Variants in CAMK1D observed in about 807,000 individuals in gnomAD.
The protein encoded by CAMK1D is calcium/calmodulin dependent protein kinase ID.
In CAMK1D, 9 loss-of-function variants were observed where a neutral mutation model predicts 47.7. That is an observed-to-expected ratio of 0.19 (90% confidence interval 0.11 to 0.33). CAMK1D has a LOEUF of 0.33. CAMK1D is among the 10% of genes least tolerant of loss of function. CAMK1D has a pLI of 1.00. For synonymous variants in CAMK1D, 184 were observed against 184.9 expected, an observed-to-expected ratio of 0.99 and a Z score of 0.04; for missense variants, 291 against 488.7, an observed-to-expected ratio of 0.60 and a Z score of 3.81.
At chr10:12,543,173 G>A (rs1006935625) in intron 1 of CAMK1D, among the ~76,000 whole-genome samples, 7 of 151,868 alleles carry the variant, frequency 4.6e-5, no homozygotes, top group Admixed American at 4.6e-4. Context: ...TCAGCCTCCC[G>A]AGTTGCCGGG....
chr10:12,637,415 C>G (rs1047578426), intron 2 of CAMK1D, among the ~76,000 whole-genome samples: 2 of 152,190 alleles, frequency 1.3e-5, no homozygotes, highest in Non-Finnish European at 2.9e-5. Context: ...TTCAGTGTTG[C>G]GATTACCTTC....
At chr10:12,772,348 C>T (rs1588908697) in intron 5 of CAMK1D, among the ~76,000 whole-genome samples, 1 of 152,172 alleles carries the variant, frequency 6.6e-6, no homozygotes, top group Non-Finnish European at 1.5e-5. Flanking sequence ...TGCTGGTTCT[C>T]TTTTCAGCAG....
intron 1 of CAMK1D, among the ~76,000 whole-genome samples, chr10:12,351,971 G>A (rs1837366372): frequency 6.6e-6 from 1 of 152,172 alleles, no homozygotes; most frequent in Admixed American, 6.5e-5. Context: ...TAATAATCAT[G>A]GTAATCATAG....
At chr10:12,524,706 CA>C (rs113567619) in intron 1 of CAMK1D, among the ~76,000 whole-genome samples, 82 of 142,344 alleles carry the variant, frequency 5.8e-4, no homozygotes, top group Non-Finnish European at 5.9e-4. Context: ...GACTCCATCT[CA>C]AAAAAAAAAA....
chr10:12,621,404 A>T (rs559533749), intron 2 of CAMK1D, among the ~76,000 whole-genome samples: 2 of 152,220 alleles, frequency 1.3e-5, no homozygotes, highest in Non-Finnish European at 2.9e-5. Flanking sequence ...CCATGAATAT[A>T]GTATGTCTCT....
chr10:12,529,139 C>T (rs1435714221), intron 1 of CAMK1D, among the ~76,000 whole-genome samples: 2 of 152,144 alleles, frequency 1.3e-5, no homozygotes, highest in Admixed American at 1.3e-4. Flanking sequence ...TGCTTGCTCT[C>T]TCATCTTCAC....
Position 12,737,667 on chromosome 10 carries a change from T to A in CAMK1D, c.300-23281T>A, listed in dbSNP as rs903869496. Among the ~76,000 whole-genome samples the A allele has an allele frequency of 2.0e-5, 3 of 152,336 alleles. No individual in the cohort carries two copies. In the South Asian group the frequency reaches 6.2e-4, roughly 32 times the overall value. Reference sequence around the variant, plus strand: ...CACTTCTGTTCTTGGCATTGTGTATTGGAAATGTTCATTTGTATCGTTGAA... The same window carrying A: ...CACTTCTGTTCTTGGCATTGTGTATAGGAAATGTTCATTTGTATCGTTGAA... On this transcript the variant is annotated intron_variant, in intron 3 of 10. Transcript: ENST00000619168.
chr10:12,628,987 G>A (rs1839303057), intron 2 of CAMK1D, among the ~76,000 whole-genome samples: 1 of 152,178 alleles, frequency 6.6e-6, no homozygotes, highest in African/African-American at 2.4e-5. Context: ...TTGTCTAGAT[G>A]TACCACAGTT....
chr10:12,535,299 A>G (rs1835934329), intron 1 of CAMK1D, among the ~76,000 whole-genome samples: 1 of 152,136 alleles, frequency 6.6e-6, no homozygotes, highest in Non-Finnish European at 1.5e-5. Flanking sequence ...GATACCACCA[A>G]ATTTCACTCT....
intron 2 of CAMK1D, among the ~76,000 whole-genome samples, chr10:12,647,339 A>G (rs1451127443): frequency 6.9e-6 from 1 of 145,746 alleles, no homozygotes; most frequent in East Asian, 2.1e-4. Flanking sequence ...AGTAGAGACT[A>G]GGTTTCACCA....
intron 1 of CAMK1D, among the ~76,000 whole-genome samples, chr10:12,369,600 T>C (rs1481872333): frequency 6.6e-6 from 1 of 152,182 alleles, no homozygotes; most frequent in Non-Finnish European, 1.5e-5. Flanking sequence ...TGAGTTGCTA[T>C]GTGTCAAAGA....
At position 12,554,261 on chromosome 10, in the gene CAMK1D, G is replaced by A. The variant is rs1489531879; in HGVS notation, c.224+905G>A. Among the ~76,000 whole-genome samples the A allele has an allele frequency of 1.2e-4, 9 of 73,864 alleles. 2 individuals are homozygous for A. The highest frequency in any genetic ancestry group is 8.0e-4 in the East Asian group (2 of 2,492). 48.5% of individuals were successfully genotyped at this position (73,864 alleles called of 152,430 possible). ...CAACTTCCACCTCCTGGCTTCAAGCGATTCTCCCGCCTCAGCCTCCCGAAG... is the reference window on the plus strand; with the variant it reads ...CAACTTCCACCTCCTGGCTTCAAGCAATTCTCCCGCCTCAGCCTCCCGAAG... On this transcript the variant is annotated intron_variant, in intron 2 of 10. Coordinates refer to ENST00000619168, the MANE Select transcript of CAMK1D (RefSeq NM_153498.4).
chr10:12,480,126 C>A (rs1396557320), intron 1 of CAMK1D, among the ~76,000 whole-genome samples: 2 of 152,074 alleles, frequency 1.3e-5, no homozygotes, highest in African/African-American at 2.4e-5. Flanking sequence ...CTTCCTGTTT[C>A]CTCTAGTTGT....
intron 2 of CAMK1D, among the ~76,000 whole-genome samples, chr10:12,561,342 T>C (rs1227419709): frequency 2.0e-5 from 3 of 152,130 alleles, no homozygotes; most frequent in Non-Finnish European, 2.9e-5. Context: ...GCCTGTCTGC[T>C]GAATGAGCTT....
chr10:12,708,711 G>A lies in CAMK1D; in HGVS notation c.299+41901G>A, dbSNP rs180841125. ...AAGCATCATGGCCTTTTGGACAGGT[G>A]GGCTGTTTTCTTCTATTCATTTTGA... is the stretch of plus-strand genomic sequence containing the variant. On this transcript the variant is annotated intron_variant, in intron 3 of 10. Transcript: ENST00000619168. Among the ~76,000 whole-genome samples the A allele has an allele frequency of 1.1e-3, 163 of 152,274 alleles. 2 individuals are homozygous for A. The highest frequency in any genetic ancestry group is 1.1e-3 in the Admixed American group (17 of 15,300).
intron 2 of CAMK1D, among the ~76,000 whole-genome samples, chr10:12,634,098 T>C (rs1588714171): frequency 6.6e-6 from 1 of 152,116 alleles, no homozygotes; most frequent in African/African-American, 2.4e-5. Flanking sequence ...AGATTCAGGG[T>C]GCACTGGCAT....
intron 1 of CAMK1D, among the ~76,000 whole-genome samples, chr10:12,381,846 G>A (rs925094664): frequency 2.0e-5 from 3 of 152,124 alleles, no homozygotes; most frequent in Admixed American, 2.0e-4. Context: ...CGACTGTGCT[G>A]TTGCCTGATG....
At chr10:12,428,227 G>A (rs1840318435) in intron 1 of CAMK1D, among the ~76,000 whole-genome samples, 2 of 151,930 alleles carry the variant, frequency 1.3e-5, no homozygotes, top group African/African-American at 2.4e-5. Flanking sequence ...CTGTGTCCAT[G>A]TGTTCTCATT....
At chr10:12,711,596 C>G (rs1833938919) in intron 3 of CAMK1D, among the ~76,000 whole-genome samples, 1 of 152,168 alleles carries the variant, frequency 6.6e-6, no homozygotes, top group East Asian at 1.9e-4. Context: ...CTGCTCTTTT[C>G]AGAGAGAGCA....
Sources: gnomAD v4.1 joint callset for allele counts (sites outside exome capture counted in the v4.1 genomes callset) on GRCh38, gnomAD v4.1.1 for gene constraint, MANE v1.5 for transcripts, NCBI Gene and HGNC (gene_info 2026-07-23, HGNC 2026-07-21) for gene names.